CDH1: variants seen among roughly 807,000 people sequenced by gnomAD.
CDH1 encodes the protein cadherin 1, also known as cadherin-1.
In CDH1, 35 loss-of-function variants were observed where a neutral mutation model predicts 84.5. That is an observed-to-expected ratio of 0.41 (90% CI 0.32 to 0.55). CDH1 has a LOEUF of 0.55. Among genes scored for constraint, CDH1 ranks in the 20% least tolerant of loss-of-function variants. CDH1 has a pLI of 0.19. For missense variants in CDH1, 994 were observed against 1,126.6 expected, an observed-to-expected ratio of 0.88 and a Z score of 1.68; for synonymous variants, 417 against 439.0, an observed-to-expected ratio of 0.95 and a Z score of 0.63.
chr16:68,756,656 AAATAG>A (rs1369054746), intron 2 of CDH1, among the ~76,000 whole-genome samples: 2 of 152,190 alleles, frequency 1.3e-5, no homozygotes, highest in African/African-American at 2.4e-5. Flanking sequence ...TTTCTGGAGA[AAATAG>A]AATTTGTGGT....
intron 13 of CDH1, among the ~76,000 whole-genome samples, chr16:68,827,237 C>T (rs1359385791): frequency 6.6e-6 from 1 of 151,910 alleles, no homozygotes; most frequent in Non-Finnish European, 1.5e-5. Flanking sequence ...CGCCACTACA[C>T]TCCAGCCTGG....
At chr16:68,830,472 C>T (rs1961456730) in intron 15 of CDH1, among the ~76,000 whole-genome samples, 1 of 152,122 alleles carries the variant, frequency 6.6e-6, no homozygotes, top group Non-Finnish European at 1.5e-5. Flanking sequence ...ATGTACATGA[C>T]AAGCCTACCT....
chr16:68,829,612 C>G lies in CDH1; in HGVS notation c.2296-42C>G, dbSNP rs1422279980. 1.2e-6 allele frequency: 2 copies of G among 1,605,332 alleles called. No individual in the cohort carries two copies. The highest frequency in any genetic ancestry group is 1.7e-6 in the Non-Finnish European group (2 of 1,173,192). Reference sequence around the variant, plus strand: ...CATAGCCCTGTGTGTATGACTATTTCTTTCCTACTCTTCATTGTACTTCAA... The same window carrying G: ...CATAGCCCTGTGTGTATGACTATTTGTTTCCTACTCTTCATTGTACTTCAA... On this transcript the variant is annotated intron_variant, in intron 14 of 15. Transcript: ENST00000261769.
intron 2 of CDH1, among the ~76,000 whole-genome samples, chr16:68,753,974 C>T (rs1033188246): frequency 2.0e-5 from 3 of 151,598 alleles, no homozygotes; most frequent in African/African-American, 7.3e-5. Flanking sequence ...AAAAAATTGG[C>T]CAGGCGTAGT....
intron 2 of CDH1, among the ~76,000 whole-genome samples, chr16:68,753,431 C>G (rs1468725250): frequency 1.3e-5 from 2 of 151,756 alleles, no homozygotes; most frequent in East Asian, 4.0e-4. Context: ...ACTGCAACCT[C>G]TGCCTCCCAG....
At chr16:68,794,626 C>A (rs1402313410) in intron 2 of CDH1, among the ~76,000 whole-genome samples, 1 of 151,826 alleles carries the variant, frequency 6.6e-6, no homozygotes, top group East Asian at 1.9e-4. Flanking sequence ...CTCAAGCAAC[C>A]CTTCTGCCTC....
chr16:68,753,340 A>T (rs1387699244), intron 2 of CDH1, among the ~76,000 whole-genome samples: 1 of 151,350 alleles, frequency 6.6e-6, no homozygotes, highest in Admixed American at 6.6e-5. Context: ...ACATCTTGTA[A>T]ATCTTTTTTT....
At chr16:68,808,622 G>A (rs2152129932) in intron 4 of CDH1, 55 bp downstream of exon 4, 5 of 1,613,302 alleles carry the variant, frequency 3.1e-6, no homozygotes, top group Non-Finnish European at 4.2e-6. Context: ...GAAGTACCAA[G>A]GAGAGAAAGG....
chr16:68,746,163 T>C (rs1344040484), intron 2 of CDH1, among the ~76,000 whole-genome samples: 6 of 152,304 alleles, frequency 3.9e-5, no homozygotes, highest in Middle Eastern at 3.4e-3. Context: ...TGCGGTGGCT[T>C]ACGCCTGTAA....
chr16:68,800,780 A>G (rs1012963800), intron 2 of CDH1, among the ~76,000 whole-genome samples: 2 of 152,198 alleles, frequency 1.3e-5, no homozygotes, highest in East Asian at 1.9e-4. Flanking sequence ...TCACCATGCA[A>G]TAGATGTTAC....
rs116708345 is a variant in CDH1, at chr16:68,743,930, C to T, written c.163+5519C>T. On this transcript the variant is annotated intron_variant, in intron 2 of 15. Transcript: ENST00000261769. ...ATTAAGTATGTACATTCATTTAGTT[C>T]ACAAAAGTGAGTGCCTGTTGTGTGT... Among the ~76,000 whole-genome samples the T allele has an allele frequency of 3.9e-3, 600 of 152,330 alleles. 3 individuals are homozygous for T. The highest frequency in any genetic ancestry group is 0.014 in the African/African-American group (570 of 41,576).
intron 3 of CDH1, among the ~76,000 whole-genome samples, chr16:68,804,912 C>T (rs926807687): frequency 1.4e-5 from 2 of 145,202 alleles, no homozygotes; most frequent in African/African-American, 5.2e-5. Context: ...CTCACTGCAG[C>T]CTTGACCTCC....
intron 2 of CDH1, among the ~76,000 whole-genome samples, chr16:68,794,938 C>T (rs913222711): frequency 4.6e-5 from 7 of 151,816 alleles, no homozygotes; most frequent in Admixed American, 2.6e-4. Context: ...GTGATCCACC[C>T]GTCTCGGCCT....
chr16:68,829,745 G>A lies in CDH1; in HGVS notation c.2387G>A (p.Arg796Gln), dbSNP rs587782549. 2.9e-5 allele frequency: 47 copies of A among 1,613,902 alleles called. No homozygotes were observed. The Middle Eastern group carries it at 8.3e-4, about 28-fold the overall frequency. ...GCACCAACCCTCATGAGTGTCCCCC[G>A]GTATCTTCCCCGCCCTGCCAATCCC... is the stretch of plus-strand genomic sequence containing the variant. ...DVAPTLMSVP[R>Q]YLPRPANPDE... Residue 796 changes from arginine (R) to glutamine (Q), a missense_variant, in exon 15 of 16, where the codon CGG becomes CAG. Physicochemically the swap from Arg to Gln is conservative, Grantham distance 43. Transcript: ENST00000261769.
At chr16:68,753,082 T>A (rs980815899) in intron 2 of CDH1, among the ~76,000 whole-genome samples, 42 of 151,834 alleles carry the variant, frequency 2.8e-4, no homozygotes, top group Middle Eastern at 3.4e-3. Flanking sequence ...GCGTGGTGGC[T>A]CACGCCTGTA....
intron 2 of CDH1, among the ~76,000 whole-genome samples, chr16:68,773,055 G>A (rs765759396): frequency 7.9e-5 from 12 of 152,150 alleles, no homozygotes; most frequent in Non-Finnish European, 1.6e-4. Flanking sequence ...GTCTCTAAAG[G>A]GTTGTGGCTT....
At chr16:68,758,234 TGA>T (rs1555511444) in intron 2 of CDH1, among the ~76,000 whole-genome samples, 46 of 116,866 alleles carry the variant, frequency 3.9e-4, no homozygotes, top group Middle Eastern at 9.3e-3. Context: ...TTTTTTTTTT[TGA>T]GAGAGAGAGA....
intron 2 of CDH1, among the ~76,000 whole-genome samples, chr16:68,789,857 C>T (rs1416954346): frequency 6.6e-6 from 1 of 152,012 alleles, no homozygotes; most frequent in African/African-American, 2.4e-5. Flanking sequence ...GTTGGGAGTT[C>T]GAGACCTGCC....
intron 2 of CDH1, among the ~76,000 whole-genome samples, chr16:68,786,928 T>C (rs555601655): frequency 1.3e-5 from 2 of 152,298 alleles, no homozygotes; most frequent in South Asian, 2.1e-4. Context: ...GTCCGAGCCT[T>C]TCCAGCACAG....
Sources: allele counts gnomAD v4.1 joint callset (sites outside exome capture counted in the v4.1 genomes callset), GRCh38; gene constraint gnomAD v4.1.1; transcripts MANE v1.5; gene names NCBI Gene and HGNC (gene_info 2026-07-23, HGNC 2026-07-21).